Variants in KCNK2 observed in about 807,000 individuals in gnomAD.
The protein encoded by KCNK2 is potassium two pore domain channel subfamily K member 2, also known as potassium channel subfamily K member 2.
Under a neutral mutation model 40.5 loss-of-function variants are expected in KCNK2, and 21 were observed. That is an observed-to-expected ratio of 0.52 (90% CI 0.37 to 0.75). The LOEUF (loss-of-function observed/expected upper bound fraction) is 0.75, where lower values mean the gene tolerates loss of function less well. Among genes scored for constraint, KCNK2 ranks in the 30% least tolerant of loss-of-function variants. KCNK2 has a pLI of 0.00. For synonymous variants in KCNK2, 191 were observed against 202.2 expected, an observed-to-expected ratio of 0.94 and a Z score of 0.47; for missense variants, 399 against 531.6, an observed-to-expected ratio of 0.75 and a Z score of 2.45.
chr1:215,210,178 T>C (rs1665678274), intron 6 of KCNK2, among the ~76,000 whole-genome samples: 1 of 148,746 alleles, frequency 6.7e-6, no homozygotes, highest in African/African-American at 2.5e-5. Flanking sequence ...TATGTACATA[T>C]ATGTGTGTGT....
intron 6 of KCNK2, among the ~76,000 whole-genome samples, chr1:215,234,124 CTT>C (rs905040993): frequency 2.0e-5 from 3 of 152,162 alleles, no homozygotes; most frequent in Non-Finnish European, 4.4e-5. Context: ...TCCACAAACA[CTT>C]TTTGAGAAAC....
chr1:215,124,265 G>C (rs1476973361), intron 2 of KCNK2, among the ~76,000 whole-genome samples: 2 of 152,086 alleles, frequency 1.3e-5, no homozygotes, highest in Admixed American at 1.3e-4. Context: ...ATATATTATT[G>C]TAACTATAGT....
chr1:215,083,194 T>TCCCCCCCCCCCCCCCTC lies in KCNK2; in HGVS notation c.-183_-182insCCCCCCTCCCCCCCCCC. The TCCCCCCCCCCCCCCCTC allele has an allele frequency of 4.0e-6, 2 of 501,814 alleles. No individual in the cohort carries two copies. Among genetic ancestry groups the TCCCCCCCCCCCCCCCTC allele is most frequent in the South Asian group, 2.0e-5 (1 of 49,324 alleles). 31.1% of individuals were successfully genotyped at this position (501,814 alleles called of 1,614,324 possible). The stretch of plus-strand genomic sequence containing the variant: ...CCCGCGATTTCGTTTCTTCTCACGC[T>TCCCCCCCCCCCCCCCTC]CCCCCCCCCGCCCCCTCCCGCGTCC... On this transcript the variant is annotated 5_prime_UTR_variant, in exon 1 of 7. Transcript: ENST00000444842.
chr1:215,055,279 T>C (rs189580912), intron 1 of KCNK2, among the ~76,000 whole-genome samples: 75 of 152,312 alleles, frequency 4.9e-4, no homozygotes, highest in African/African-American at 1.6e-3. Flanking sequence ...CTGTTTGCAA[T>C]TAGAAATTCT....
chr1:215,170,807 G>T (rs944633166), intron 4 of KCNK2, among the ~76,000 whole-genome samples: 2 of 151,902 alleles, frequency 1.3e-5, no homozygotes, highest in Admixed American at 1.3e-4. Flanking sequence ...TGAATTCTTC[G>T]TTCATTCATT....
intron 1 of KCNK2, among the ~76,000 whole-genome samples, chr1:215,024,805 A>G (rs777305570): frequency 8.5e-5 from 13 of 152,128 alleles, no homozygotes; most frequent in Non-Finnish European, 1.6e-4. Flanking sequence ...ACCAAAACCA[A>G]TTGCCCCACT....
chr1:215,138,686 A>G (rs753783558), intron 3 of KCNK2, among the ~76,000 whole-genome samples: 1 of 152,188 alleles, frequency 6.6e-6, no homozygotes, highest in African/African-American at 2.4e-5. Flanking sequence ...CCCTGTCTCA[A>G]AAAAGAAAAT....
intron 1 of KCNK2, among the ~76,000 whole-genome samples, chr1:215,065,152 A>T (rs1258083244): frequency 6.6e-6 from 1 of 152,208 alleles, no homozygotes; most frequent in Non-Finnish European, 1.5e-5. Context: ...AAAGTATTTT[A>T]AAAGTTTCTT....
At chr1:215,092,644 T>C (rs1456670262) in intron 2 of KCNK2, among the ~76,000 whole-genome samples, 4 of 152,112 alleles carry the variant, frequency 2.6e-5, no homozygotes, top group African/African-American at 7.2e-5. Context: ...GCATGGAACA[T>C]TTTGGAACCA....
intron 3 of KCNK2, among the ~76,000 whole-genome samples, chr1:215,159,066 T>C (rs927412428): frequency 1.3e-5 from 2 of 152,188 alleles, no homozygotes; most frequent in African/African-American, 4.8e-5. Flanking sequence ...GCCTTTTTCT[T>C]CTTTAAATTA....
intron 3 of KCNK2, among the ~76,000 whole-genome samples, chr1:215,152,887 C>A (rs1230269307): frequency 6.6e-6 from 1 of 152,092 alleles, no homozygotes; most frequent in Non-Finnish European, 1.5e-5. Context: ...AGGGTCTATA[C>A]CAACGCAATT....
intron 1 of KCNK2, among the ~76,000 whole-genome samples, chr1:215,046,402 G>A (rs1657770703): frequency 6.6e-6 from 1 of 151,420 alleles, no homozygotes; most frequent in South Asian, 2.1e-4. Flanking sequence ...AATATGGTTG[G>A]GGACTATATT....
intron 3 of KCNK2, among the ~76,000 whole-genome samples, chr1:215,143,882 T>C (rs1217541950): frequency 6.6e-6 from 1 of 152,186 alleles, no homozygotes; most frequent in Non-Finnish European, 1.5e-5. Flanking sequence ...GGCTATGCCA[T>C]TGTTGCCTTT....
At chr1:215,056,516 A>G (rs1658171488) in intron 1 of KCNK2, among the ~76,000 whole-genome samples, 1 of 149,392 alleles carries the variant, frequency 6.7e-6, no homozygotes, top group African/African-American at 2.4e-5. Flanking sequence ...AAAAAAAAAA[A>G]AAAAAAGAAG....
At chr1:215,039,758 A>T (rs1257562330) in intron 1 of KCNK2, among the ~76,000 whole-genome samples, 1 of 152,098 alleles carries the variant, frequency 6.6e-6, no homozygotes, top group Non-Finnish European at 1.5e-5. Flanking sequence ...CAGAACTTGG[A>T]TCTTTGCCAT....
rs190274602 is a variant in KCNK2 at position 215,059,583 on chromosome 1, G to A, written c.35-26785G>A. On this transcript the variant is annotated intron_variant, in intron 1 of 6. Transcript: ENST00000391895. ...CTCAAGGTATCCATCGCCTTGGGGT[G>A]AAATTGGGATTAGAAATGTTTGGAG... Among the ~76,000 whole-genome samples, 9 of 152,288 alleles carry A rather than the reference G, an allele frequency of 5.9e-5. No homozygotes were observed. The East Asian group carries it at 1.5e-3, about 26-fold the overall frequency.
chr1:215,110,564 T>C (rs567569450), intron 2 of KCNK2, among the ~76,000 whole-genome samples: 2 of 152,272 alleles, frequency 1.3e-5, no homozygotes, highest in South Asian at 4.1e-4. Context: ...TCTGTTCCAT[T>C]GGTCCATATG....
chr1:215,139,500 A>G (rs1662076882), intron 3 of KCNK2, among the ~76,000 whole-genome samples: 2 of 152,126 alleles, frequency 1.3e-5, no homozygotes. Flanking sequence ...AAATATATAC[A>G]TGGCTGGGTG....
intron 5 of KCNK2, among the ~76,000 whole-genome samples, chr1:215,175,396 G>T (rs998124568): frequency 6.6e-6 from 1 of 151,808 alleles, no homozygotes; most frequent in African/African-American, 2.4e-5. Context: ...ATCACTGGTT[G>T]TTCAGAATTT....
Sources: allele counts gnomAD v4.1 joint callset (sites outside exome capture counted in the v4.1 genomes callset), GRCh38; gene constraint gnomAD v4.1.1; transcripts MANE v1.5; gene names NCBI Gene and HGNC (gene_info 2026-07-23, HGNC 2026-07-21).